Variants in GALNT13 observed in about 807,000 individuals in gnomAD.
GALNT13 encodes UDP-GalNAc:polypeptide N-acetylgalactosaminyltransferase 13.
In GALNT13, 28 loss-of-function variants were observed where a neutral mutation model predicts 64.2. The observed-to-expected ratio is 0.44, with a 90% CI of 0.32 to 0.60. GALNT13 has a LOEUF of 0.60. Ranked by LOEUF, GALNT13 falls within the 20% of genes least tolerant of loss-of-function variation. The pLI, the probability that GALNT13 is intolerant of heterozygous loss-of-function variation, is 0.05. For synonymous variants in GALNT13, 214 were observed against 224.6 expected, an observed-to-expected ratio of 0.95 and a Z score of 0.42; for missense variants, 577 against 669.8, an observed-to-expected ratio of 0.86 and a Z score of 1.53.
chr2:153,416,906 A>AAG, the GALNT13 span, among the ~76,000 whole-genome samples: 2 of 152,310 alleles, frequency 1.3e-5, no homozygotes, highest in East Asian at 3.9e-4. Context: ...CTTTAAGAAA[A>AAG]AGAATACAGG....
At chr2:153,311,375 A>C in the GALNT13 span, among the ~76,000 whole-genome samples, 10 of 152,246 alleles carry the variant, frequency 6.6e-5, no homozygotes, top group African/African-American at 1.9e-4. Context: ...AAGGCACATT[A>C]GAACTGCATG....
At chr2:153,993,989 A>T (rs1366476805) in intron 3 of GALNT13, among the ~76,000 whole-genome samples, 1 of 152,092 alleles carries the variant, frequency 6.6e-6, no homozygotes, top group Non-Finnish European at 1.5e-5. Context: ...ATATGTATAC[A>T]TATGCCATGT....
At chr2:153,942,879 A>C (rs917939394) in intron 2 of GALNT13, among the ~76,000 whole-genome samples, 2 of 152,124 alleles carry the variant, frequency 1.3e-5, no homozygotes. Context: ...GCTGCTGTTA[A>C]TTTAAAGAGC....
chr2:154,405,009 A>G (rs1452885108), intron 10 of GALNT13, among the ~76,000 whole-genome samples: 3 of 152,122 alleles, frequency 2.0e-5, no homozygotes, highest in African/African-American at 7.2e-5. Context: ...CTAGAAAAGC[A>G]TGACTGATGT....
chr2:153,306,946 G>A, the GALNT13 span, among the ~76,000 whole-genome samples: 1 of 152,162 alleles, frequency 6.6e-6, no homozygotes, highest in East Asian at 1.9e-4. Flanking sequence ...ATGTTGGCCA[G>A]GCTGGTCTTG....
the GALNT13 span, among the ~76,000 whole-genome samples, chr2:153,224,441 T>C: frequency 6.6e-6 from 1 of 152,102 alleles, no homozygotes; most frequent in African/African-American, 2.4e-5. Context: ...TCACACAATA[T>C]ACTCAGGTAA....
intron 2 of GALNT13, among the ~76,000 whole-genome samples, chr2:153,916,209 G>A (rs1265273048): frequency 6.9e-6 from 1 of 145,130 alleles, no homozygotes; most frequent in Admixed American, 7.1e-5. Flanking sequence ...CCAAGCTGGA[G>A]TGCAGTGGCA....
the GALNT13 span, among the ~76,000 whole-genome samples, chr2:153,440,215 C>T: frequency 6.6e-6 from 1 of 150,646 alleles, no homozygotes; most frequent in Non-Finnish European, 1.5e-5. Context: ...GTTTTCTGTT[C>T]CTGTGTTAGT....
the GALNT13 span, among the ~76,000 whole-genome samples, chr2:153,296,980 C>T: frequency 6.6e-6 from 1 of 152,112 alleles, no homozygotes; most frequent in Admixed American, 6.6e-5. Context: ...TAAAATTAAT[C>T]TTAAAGCACA....
chr2:153,309,055 C>CA, the GALNT13 span, among the ~76,000 whole-genome samples: 1 of 151,832 alleles, frequency 6.6e-6, no homozygotes, highest in African/African-American at 2.4e-5. Context: ...ACATAGGTTC[C>CA]AAAAAATGAG....
intron 11 of GALNT13, among the ~76,000 whole-genome samples, chr2:154,420,868 G>A (rs944262993): frequency 6.6e-6 from 1 of 152,016 alleles, no homozygotes; most frequent in African/African-American, 2.4e-5. Context: ...TTCTTGAGAA[G>A]CCAAGCAGAA....
intron 11 of GALNT13, among the ~76,000 whole-genome samples, chr2:154,420,746 T>C (rs1700213500): frequency 6.6e-6 from 1 of 152,136 alleles, no homozygotes; most frequent in South Asian, 2.1e-4. Flanking sequence ...ATAGATAATA[T>C]AACTTTATCT....
At chr2:153,978,587 G>T (rs534000086) in intron 3 of GALNT13, among the ~76,000 whole-genome samples, 1 of 152,162 alleles carries the variant, frequency 6.6e-6, no homozygotes, top group African/African-American at 2.4e-5. Context: ...AGGGGTTTCT[G>T]CTTTTGCTTC....
At chr2:153,798,122 T>C in the GALNT13 span, among the ~76,000 whole-genome samples, 3 of 152,148 alleles carry the variant, frequency 2.0e-5, no homozygotes, top group African/African-American at 7.2e-5. Flanking sequence ...ATTGTCCCTA[T>C]TTGATTGAAG....
chr2:153,476,883 C>T, the GALNT13 span, among the ~76,000 whole-genome samples: 1 of 152,158 alleles, frequency 6.6e-6, no homozygotes, highest in Non-Finnish European at 1.5e-5. Context: ...CTCCGCCCCC[C>T]GGCCCCACCC....
chr2:153,876,992 A>G (rs1574023964), intron 1 of GALNT13, among the ~76,000 whole-genome samples: 1 of 152,246 alleles, frequency 6.6e-6, no homozygotes, highest in East Asian at 1.9e-4. Context: ...TACCCTTCAG[A>G]AATGAACTCA....
Position 154,173,735 on chromosome 2 carries a change from C to G in GALNT13, c.311+33230C>G, listed in dbSNP as rs188915820. Among the ~76,000 whole-genome samples the G allele has an allele frequency of 2.3e-4, 35 of 152,134 alleles. No individual in the cohort carries two copies. The East Asian group carries it at 5.4e-3, about 24-fold the overall frequency. ...TTATCTGACAAAAGGTCTGAATAGA[C>G]ATTTCTCTAAAGAAGACATACAAAA... On this transcript the variant is annotated intron_variant, in intron 4 of 12. Transcript: ENST00000392825.
At chr2:153,107,879 A>C in the GALNT13 span, among the ~76,000 whole-genome samples, 1 of 152,198 alleles carries the variant, frequency 6.6e-6, no homozygotes, top group Non-Finnish European at 1.5e-5. Flanking sequence ...AAAAATACAT[A>C]TGTATAATTA....
At chr2:153,403,799 T>C in the GALNT13 span, among the ~76,000 whole-genome samples, 40 of 152,244 alleles carry the variant, frequency 2.6e-4, no homozygotes, top group East Asian at 1.2e-3. Flanking sequence ...GTGCACGGTG[T>C]GCTCACCCAC....
Sources: gnomAD v4.1 joint callset for allele counts (sites outside exome capture counted in the v4.1 genomes callset) on GRCh38, gnomAD v4.1.1 for gene constraint, MANE v1.5 for transcripts, NCBI Gene and HGNC (gene_info 2026-07-23, HGNC 2026-07-21) for gene names.